The following PAK3 variants were observed in gnomAD, a reference collection of about 807,000 sequenced individuals.
The protein encoded by PAK3 is p21 (RAC1) activated kinase 3.
A neutral mutation model predicts 41.0 loss-of-function variants in PAK3; 4 were observed. The observed-to-expected ratio is 0.10, with a 90% CI of 0.05 to 0.22. PAK3 has a LOEUF of 0.22. Among genes scored for constraint, PAK3 ranks in the 10% least tolerant of loss-of-function variants. The probability of loss-of-function intolerance (pLI) is 1.00; values close to 1 mark genes in which losing one functional copy is unlikely to be tolerated. For synonymous variants in PAK3, 146 were observed against 139.6 expected, an observed-to-expected ratio of 1.05 and a Z score of -0.32; for missense variants, 205 against 409.9, an observed-to-expected ratio of 0.50 and a Z score of 4.32.
chrX:110,964,664 C>A (rs1398488476), intron 1 of PAK3, among the ~76,000 whole-genome samples: 1 of 112,171 alleles, frequency 8.9e-6, no homozygotes, highest in Non-Finnish European at 1.9e-5. Flanking sequence ...AGTAGATCTA[C>A]AGAATCTTCC....
At chrX:111,114,333 T>G (rs919226796) in intron 4 of PAK3, among the ~76,000 whole-genome samples, 18 of 111,969 alleles carry the variant, frequency 1.6e-4, no homozygotes, top group African/African-American at 5.5e-4. Context: ...GCCTAGCACA[T>G]AGGCACTGGT....
At position 111,220,464 on chromosome X, in the gene PAK3, C is replaced by T. The variant is rs749793459; in HGVS notation, c.*17C>T. ...AGCCGCTAAGACTGCAAGCCTTACACCTCACCATCTCCCTCATGAGTAAGA... is the reference window on the plus strand; with the variant it reads ...AGCCGCTAAGACTGCAAGCCTTACATCTCACCATCTCCCTCATGAGTAAGA... On this transcript the variant is annotated 3_prime_UTR_variant, in exon 18 of 18. Transcript: ENST00000372007. 9.8e-7 allele frequency: 1 copy of T among 1,023,533 alleles called. No individual in the cohort carries two copies. The highest frequency in any genetic ancestry group is 1.4e-6 in the Non-Finnish European group (1 of 725,827). 84.4% of individuals were successfully genotyped at this position (1,023,533 alleles called of 1,213,427 possible).
intron 16 of PAK3, among the ~76,000 whole-genome samples, chrX:111,209,351 A>G (rs149721750): frequency 0.058 from 6,499 of 111,956 alleles, 304 homozygotes; most frequent in African/African-American, 0.15. Flanking sequence ...AACTTATTAT[A>G]AACAGTCTAA....
At chrX:111,037,280 C>T (rs776366119) in intron 1 of PAK3, among the ~76,000 whole-genome samples, 1 of 111,661 alleles carries the variant, frequency 9.0e-6, no homozygotes, top group African/African-American at 3.3e-5. Context: ...TTTATAAGCT[C>T]TTTATATATG....
intron 1 of PAK3, among the ~76,000 whole-genome samples, chrX:110,974,479 ACCTAAAAAAGT>A (rs1369099453): frequency 4.5e-5 from 5 of 111,416 alleles, no homozygotes. Flanking sequence ...TATCCTACCA[ACCTAAAAAAGT>A]CCAGGACCAG....
chrX:111,109,949 A>G (rs2093341516), intron 4 of PAK3, among the ~76,000 whole-genome samples: 1 of 112,347 alleles, frequency 8.9e-6, no homozygotes, highest in African/African-American at 3.2e-5. Flanking sequence ...ATGGGATGGT[A>G]TAATCTTACT....
intron 1 of PAK3, among the ~76,000 whole-genome samples, chrX:110,961,559 A>C (rs969830576): frequency 9.0e-6 from 1 of 111,597 alleles, no homozygotes; most frequent in African/African-American, 3.3e-5. Context: ...AACTTTCCTC[A>C]TTCTTGTAGA....
chrX:111,086,405 T>G lies in PAK3; in HGVS notation c.-27-36672T>G, dbSNP rs148076985. On this transcript the variant is annotated intron_variant, in intron 1 of 14. Coordinates refer to the PAK3 transcript ENST00000425146. ...AGATGTCTGATAATTTCAACCGGAGTGTAGGGAGAATGGTGTTCTGTCTCT... is the reference window on the plus strand; with the variant it reads ...AGATGTCTGATAATTTCAACCGGAGGGTAGGGAGAATGGTGTTCTGTCTCT... Among the ~76,000 whole-genome samples the G allele has an allele frequency of 3.5e-3, 388 of 110,763 alleles. 3 individuals carry two copies. The highest frequency in any genetic ancestry group is 0.012 in the African/African-American group (377 of 30,420).
At position 111,194,434 on chromosome X, in the gene PAK3, A is replaced by T. The variant is rs768435861; in HGVS notation, c.1110+16A>T. Reference sequence around the variant, plus strand: ...CTGCAGAGAGGTAAGCAAATAGAGCATTTCTAGCTGAGAAGACCACCGAAA... The same window carrying T: ...CTGCAGAGAGGTAAGCAAATAGAGCTTTTCTAGCTGAGAAGACCACCGAAA... On this transcript the variant is annotated intron_variant, in intron 14 of 17. Coordinates refer to ENST00000372007, the MANE Select transcript of PAK3 (RefSeq NM_002578.5). 9 of 875,098 alleles carry T rather than the reference A, an allele frequency of 1.0e-5. No homozygotes were observed. The highest frequency in any genetic ancestry group is 1.5e-5 in the Non-Finnish European group (9 of 589,777). The allele number at this position is 875,098 out of a possible 1,213,427, so 72.1% of individuals were successfully genotyped here.
Position 111,035,553 on chromosome X carries a change from G to A in PAK3, c.-27-87524G>A, listed in dbSNP as rs182295056. 7.1e-5 allele frequency among the ~76,000 whole-genome samples: 8 copies of A among 111,976 alleles called. No individual in the cohort carries two copies. The Admixed American group carries it at 7.6e-4, about 11-fold the overall frequency. Reference sequence around the variant, plus strand: ...GGTGTGCCAGCAGGCAGAGGCTGTGGTCACGGCTGTGAAACATTATTAGCT... The same window carrying A: ...GGTGTGCCAGCAGGCAGAGGCTGTGATCACGGCTGTGAAACATTATTAGCT... On this transcript the variant is annotated intron_variant, in intron 1 of 14. Coordinates refer to the PAK3 transcript ENST00000425146.
At chrX:110,979,296 C>CTTTTTTTTTTT (rs869275249) in intron 1 of PAK3, among the ~76,000 whole-genome samples, 4 of 9,050 alleles carry the variant, frequency 4.4e-4, no homozygotes, top group African/African-American at 6.8e-4. Flanking sequence ...TATTACTTTT[C>CTTTTTTTTTTT]TTTTTTTTTT....
intron 3 of PAK3, among the ~76,000 whole-genome samples, chrX:111,101,306 C>T (rs959069495): frequency 7.2e-5 from 8 of 111,739 alleles, no homozygotes; most frequent in African/African-American, 2.6e-4. Flanking sequence ...ACACAACACA[C>T]CCCCAGGCAG....
In PAK3 at chrX:111,220,945, C is replaced by CAAAA; in HGVS notation, c.*512_*515dup. 2 of 49,418 alleles carry CAAAA rather than the reference C, an allele frequency of 4.0e-5. No homozygotes were observed. Among genetic ancestry groups the CAAAA allele is most frequent in the African/African-American group, 1.7e-4 (2 of 11,735 alleles). 4.1% of individuals were successfully genotyped at this position (49,418 alleles called of 1,213,427 possible). A position where few individuals can be genotyped will look rare whatever the true frequency, so the allele number is the denominator to read the frequency against. On this transcript the variant is annotated 3_prime_UTR_variant, in exon 18 of 18. Coordinates refer to ENST00000372007, the MANE Select transcript of PAK3 (RefSeq NM_002578.5). ...AAAAAAGAAAGCAAAAAAAGCAAGG[C>CAAAA]AAAAAAAAAAAAAAAAACAAACAAA...
intron 6 of PAK3, among the ~76,000 whole-genome samples, chrX:111,145,754 AG>A (rs1317820975): frequency 8.9e-6 from 1 of 112,058 alleles, no homozygotes; most frequent in East Asian, 2.8e-4. Context: ...ATCTTTATTT[AG>A]GCAAAGCTGT....
At chrX:111,066,250 G>C (rs2148816720) in intron 1 of PAK3, among the ~76,000 whole-genome samples, 1 of 111,716 alleles carries the variant, frequency 9.0e-6, no homozygotes, top group East Asian at 2.8e-4. Context: ...GGTATGTTTT[G>C]TGTCTGTTTT....
Position 111,123,148 on chromosome X carries a change from A to G in PAK3, c.45A>G (p.Pro15=). The G allele has an allele frequency of 8.3e-7, 1 of 1,204,831 alleles. No individual in the cohort carries two copies. Among genetic ancestry groups the G allele is most frequent in the Non-Finnish European group, 1.1e-6 (1 of 889,235 alleles). Residue 15 remains proline (P), a synonymous_variant, in exon 5 of 18, where the codon CCA becomes CCG. Coordinates refer to ENST00000372007, the MANE Select transcript of PAK3 (RefSeq NM_002578.5). ...ATGAAGAGAAACCCCCGGCTCCTCC[A>G]CTGAGGATGAATAGTAACAACCGGG... ...LDNEEKPPAP[P]LRMNSNNRDS...
At position 111,000,228 on chromosome X, in the gene PAK3, C is replaced by T. The variant is rs185360072; in HGVS notation, c.-28+55600C>T. Among the ~76,000 whole-genome samples, 16 of 111,699 alleles carry T rather than the reference C, an allele frequency of 1.4e-4. No homozygotes were observed. The East Asian group carries it at 4.3e-3, about 30-fold the overall frequency. The stretch of plus-strand genomic sequence containing the variant: ...ATATGGATGCCTGTTGGTTTTGTCC[C>T]TTTGTGTCTTCACAAGTACTGAGTG... On this transcript the variant is annotated intron_variant, in intron 1 of 14. Coordinates refer to the PAK3 transcript ENST00000425146.
intron 4 of PAK3, among the ~76,000 whole-genome samples, chrX:111,119,431 T>C (rs1441526843): frequency 8.9e-6 from 1 of 112,196 alleles, no homozygotes; most frequent in Non-Finnish European, 1.9e-5. Flanking sequence ...TGGCTATATC[T>C]AATGTGCTAC....
At chrX:110,961,088 G>A (rs1350552311) in intron 1 of PAK3, among the ~76,000 whole-genome samples, 1 of 111,245 alleles carries the variant, frequency 9.0e-6, no homozygotes, top group Non-Finnish European at 1.9e-5. Flanking sequence ...GTTCCTGGCT[G>A]CACATGAGAA....
Sources: allele counts gnomAD v4.1 joint callset (sites outside exome capture counted in the v4.1 genomes callset), GRCh38; gene constraint gnomAD v4.1.1; transcripts MANE v1.5; gene names NCBI Gene and HGNC (gene_info 2026-07-23, HGNC 2026-07-21).